The following REPS2 variants were observed in gnomAD, a reference collection of about 807,000 sequenced individuals.
REPS2 encodes the protein RALBP1 associated Eps domain containing 2.
Under a neutral mutation model 53.6 loss-of-function variants are expected in REPS2, and 23 were observed. The ratio of observed to expected loss-of-function variants is 0.43; its 90% confidence interval spans 0.31 to 0.61. REPS2 has a LOEUF of 0.61. REPS2 is among the 20% of genes least tolerant of loss of function. The pLI, the probability that REPS2 is intolerant of heterozygous loss-of-function variation, is 0.11. For synonymous variants in REPS2, 238 were observed against 218.6 expected (o/e 1.09, Z -0.78); for missense variants, 446 against 534.9 (o/e 0.83, Z 1.64).
chrX:16,982,381 A>C (rs1297802043), intron 1 of REPS2, among the ~76,000 whole-genome samples: 1 of 112,194 alleles, frequency 8.9e-6, no homozygotes, highest in African/African-American at 3.2e-5. Flanking sequence ...TTTTTAAACC[A>C]AAATCAAATT....
At chrX:16,978,566 G>T (rs1228861389) in intron 1 of REPS2, 3 of 749,512 alleles carry the variant, frequency 4.0e-6, no homozygotes, top group Non-Finnish European at 4.7e-6. Context: ...GCTCTAAAAG[G>T]AGGAGCAGTT....
At chrX:17,115,597 C>A (rs188911182) in intron 14 of REPS2, among the ~76,000 whole-genome samples, 1 of 111,890 alleles carries the variant, frequency 8.9e-6, no homozygotes. Flanking sequence ...TCTTTCTCTT[C>A]CCACGAGGCC....
At chrX:17,023,846 A>G (rs1325224979) in intron 3 of REPS2, among the ~76,000 whole-genome samples, 1 of 111,871 alleles carries the variant, frequency 8.9e-6, no homozygotes, top group Non-Finnish European at 1.9e-5. Context: ...GAGTTTATGC[A>G]TGCCCCACCC....
chrX:17,015,484 A>T (rs2061480312), intron 2 of REPS2, among the ~76,000 whole-genome samples: 1 of 110,770 alleles, frequency 9.0e-6, no homozygotes, highest in African/African-American at 3.3e-5. Context: ...ATATGTATAC[A>T]TGTGCCATGT....
chrX:17,196,365 A>G, the REPS2 span, among the ~76,000 whole-genome samples: 1 of 111,586 alleles, frequency 9.0e-6, no homozygotes, highest in African/African-American at 3.3e-5. Flanking sequence ...TGTCTCCCCA[A>G]AATTCATTAT....
Position 17,133,898 on chromosome X carries a change from A to G in REPS2, c.1653A>G (p.Pro551=), listed in dbSNP as rs1159039987. 3.3e-6 allele frequency: 4 copies of G among 1,207,502 alleles called. No homozygotes were observed. The highest frequency in any genetic ancestry group is 4.5e-6 in the Non-Finnish European group (4 of 892,882). The change falls in exon 15 of 18, where the codon CCA becomes CCG. Residue 551 remains proline, a synonymous_variant. Coordinates refer to ENST00000357277, the MANE Select transcript of REPS2 (RefSeq NM_004726.3). ...RAPSQAAESS[P]AKKDVLYSQP... is the part of the protein sequence containing the mutation. ...CATCCCAGGCTGCAGAAAGTAGTCCAGCAAAGAAGGTAAGGTCAGCCTGAG... is the reference window on the plus strand; with the variant it reads ...CATCCCAGGCTGCAGAAAGTAGTCCGGCAAAGAAGGTAAGGTCAGCCTGAG...
At chrX:17,185,479 G>A in the REPS2 span, among the ~76,000 whole-genome samples, 12 of 111,761 alleles carry the variant, frequency 1.1e-4, no homozygotes, top group Non-Finnish European at 1.7e-4. Context: ...CTCCGCGAGA[G>A]CAGAACTTTG....
chrX:17,145,495 A>G (rs1484386590), intron 17 of REPS2, among the ~76,000 whole-genome samples: 4 of 111,291 alleles, frequency 3.6e-5, no homozygotes, highest in South Asian at 3.8e-4. Context: ...CTCATTCTCA[A>G]TATCACTACC....
intron 1 of REPS2, among the ~76,000 whole-genome samples, chrX:16,976,482 C>T (rs1480700612): frequency 1.8e-5 from 2 of 110,784 alleles, no homozygotes; most frequent in Non-Finnish European, 3.8e-5. Context: ...TCAGATCATC[C>T]ATGTTTTTGT....
At chrX:17,056,837 G>A (rs1271036390) in intron 8 of REPS2, among the ~76,000 whole-genome samples, 1 of 112,461 alleles carries the variant, frequency 8.9e-6, no homozygotes, top group Non-Finnish European at 1.9e-5. Context: ...CATATCAGAA[G>A]GTTAGAATAG....
chrX:17,101,478 C>G (rs768374577), intron 13 of REPS2, among the ~76,000 whole-genome samples: 1 of 111,792 alleles, frequency 8.9e-6, no homozygotes, highest in African/African-American at 3.2e-5. Flanking sequence ...TATTAAATGG[C>G]CTCAGTCTTT....
the REPS2 span, among the ~76,000 whole-genome samples, chrX:17,185,336 T>C: frequency 3.6e-5 from 4 of 111,462 alleles, no homozygotes; most frequent in Non-Finnish European, 7.5e-5. Context: ...TTCCGTTGCA[T>C]TGGATTGGTC....
At chrX:16,964,662 AC>A (rs1193186341) in intron 1 of REPS2, among the ~76,000 whole-genome samples, 2,496 of 80,210 alleles carry the variant, frequency 0.031, 93 homozygotes, top group African/African-American at 0.11. Flanking sequence ...CGGGGGGCTG[AC>A]CCCCCCCACC....
intron 1 of REPS2, among the ~76,000 whole-genome samples, chrX:16,950,080 T>TTTTA (rs1224925003): frequency 9.1e-6 from 1 of 110,406 alleles, no homozygotes; most frequent in Non-Finnish European, 1.9e-5. Flanking sequence ...TTTTTTTTTT[T>TTTTA]ACTGTCCCCA....
chrX:17,059,498 C>T (rs745562257), intron 8 of REPS2, among the ~76,000 whole-genome samples: 1 of 108,898 alleles, frequency 9.2e-6, no homozygotes, highest in Non-Finnish European at 1.9e-5. Flanking sequence ...GATGGAGTCT[C>T]GCTCTGTCAC....
chrX:17,103,341 G>A (rs2062832174), intron 13 of REPS2, among the ~76,000 whole-genome samples: 1 of 111,730 alleles, frequency 9.0e-6, no homozygotes, highest in African/African-American at 3.3e-5. Flanking sequence ...GTGGCTGAGA[G>A]CTAGGGAGAA....
At chrX:17,169,314 C>T in the REPS2 span, among the ~76,000 whole-genome samples, 1 of 112,132 alleles carries the variant, frequency 8.9e-6, no homozygotes, top group African/African-American at 3.2e-5. Flanking sequence ...AAGATGGCAT[C>T]CATGGTGAAT....
chrX:17,129,099 T>C (rs1483529654), intron 14 of REPS2, among the ~76,000 whole-genome samples: 1 of 111,542 alleles, frequency 9.0e-6, no homozygotes, highest in African/African-American at 3.3e-5. Context: ...GACAAAGCCA[T>C]ATTATCGTGT....
chrX:17,009,755 A>G (rs1218230195), intron 2 of REPS2, among the ~76,000 whole-genome samples: 2 of 111,451 alleles, frequency 1.8e-5, no homozygotes, highest in Non-Finnish European at 1.9e-5. Flanking sequence ...TTCAAAATAC[A>G]CAGCAGATTA....
Sources: gnomAD v4.1 joint callset for allele counts (sites outside exome capture counted in the v4.1 genomes callset) on GRCh38, gnomAD v4.1.1 for gene constraint, MANE v1.5 for transcripts, NCBI Gene and HGNC (gene_info 2026-07-23, HGNC 2026-07-21) for gene names.